CDC42EP4: variants seen among roughly 807,000 people sequenced by gnomAD.
CDC42EP4 encodes the protein CDC42 effector protein (Rho GTPase binding) 4.
A neutral mutation model predicts 5.6 loss-of-function variants in CDC42EP4; 6 were observed. The observed-to-expected ratio is 1.07, with a 90% CI of 0.59 to 2.12. The LOEUF is 2.12. Among genes scored for constraint, CDC42EP4 ranks in the 30% most tolerant of loss-of-function variants. CDC42EP4 has a pLI of 0.00. For synonymous variants in CDC42EP4, 230 were observed against 224.2 expected (o/e 1.03, Z -0.23); for missense variants, 490 against 508.6 (o/e 0.96, Z 0.35).
chr17:73,299,292 T>C (rs2062204666), intron 1 of CDC42EP4, among the ~76,000 whole-genome samples: 1 of 151,158 alleles, frequency 6.6e-6, no homozygotes, highest in South Asian at 2.1e-4. Flanking sequence ...TAGCCAGGCG[T>C]GGTGGTGGGC....
In CDC42EP4 at chr17:73,286,421, A is replaced by G; in HGVS notation, c.80T>C (p.Ile27Thr). 1 of 1,613,630 alleles carries G rather than the reference A, an allele frequency of 6.2e-7. No homozygotes were observed. Among genetic ancestry groups the G allele is most frequent in the Non-Finnish European group, 8.5e-7 (1 of 1,179,820 alleles). ...RSRADLTAEM[I>T]SAPLGDFRHT... ...GCGGAAGTCGCCCAGCGGGGCGCTGATCATCTCGGCCGTGAGGTCCGCTCG... is the reference window on the plus strand; with the variant it reads ...GCGGAAGTCGCCCAGCGGGGCGCTGGTCATCTCGGCCGTGAGGTCCGCTCG... The change falls in exon 2 of 2, where the codon ATC (isoleucine) becomes ACC (threonine). Residue 27 changes from isoleucine (I) to threonine (T), a missense_variant. Ile to Thr is a moderately conservative substitution (Grantham distance 89). Coordinates refer to ENST00000335793, the MANE Select transcript of CDC42EP4 (RefSeq NM_012121.5). The surrounding 1 kb of genome is among the most constrained non-coding windows in gnomAD (Gnocchi z 7.7).
chr17:73,293,879 C>T (rs923100349), intron 1 of CDC42EP4, among the ~76,000 whole-genome samples: 1 of 152,194 alleles, frequency 6.6e-6, no homozygotes, highest in African/African-American at 2.4e-5. Context: ...TTACATGTTC[C>T]AGGCAGGACT....
chr17:73,300,526 C>T (rs2062213214), intron 1 of CDC42EP4, among the ~76,000 whole-genome samples: 1 of 152,198 alleles, frequency 6.6e-6, no homozygotes, highest in African/African-American at 2.4e-5. Context: ...GTCCACCAGC[C>T]ACTTCTGGCT....
chr17:73,297,151 A>G (rs1030458482), intron 1 of CDC42EP4, among the ~76,000 whole-genome samples: 3 of 117,324 alleles, frequency 2.6e-5, no homozygotes, highest in Admixed American at 2.5e-4. Flanking sequence ...AAAATTAGCC[A>G]GGTGTGGTGG....
In CDC42EP4 at chr17:73,286,403, T is replaced by C. The variant is rs1328229030; in HGVS notation, c.98A>G (p.Asp33Gly). 3 of 1,613,702 alleles carry C rather than the reference T, an allele frequency of 1.9e-6. No homozygotes were observed. The African/African-American group carries it at 4.0e-5, about 22-fold the overall frequency. Residue 33 changes from aspartate to glycine, a missense_variant, in exon 2 of 2, where the codon GAC (aspartate) becomes GGC (glycine). Physicochemically the swap from Asp to Gly is moderately conservative, Grantham distance 94. Transcript: ENST00000335793. This position sits in a 1 kb window ranked among gnomAD's most constrained non-coding sequence, Gnocchi z 7.7. ...GCCAACGTGCATGGTGTGGCGGAAG[T>C]CGCCCAGCGGGGCGCTGATCATCTC... is the stretch of plus-strand genomic sequence containing the variant. ...TAEMISAPLG[D>G]FRHTMHVGRA... is the part of the protein sequence containing the mutation.
At chr17:73,293,364 T>G (rs779329255) in intron 1 of CDC42EP4, among the ~76,000 whole-genome samples, 1 of 151,978 alleles carries the variant, frequency 6.6e-6, no homozygotes, top group Non-Finnish European at 1.5e-5. Flanking sequence ...GGGGACACAG[T>G]GGGAGACATT....
intron 1 of CDC42EP4, among the ~76,000 whole-genome samples, chr17:73,292,836 G>A (rs984895912): frequency 1.3e-5 from 2 of 152,176 alleles, no homozygotes; most frequent in African/African-American, 2.4e-5. Flanking sequence ...AAAGAGTTCT[G>A]TTTTGTTTTT....
rs1266343160 is a variant in CDC42EP4, at chr17:73,309,028, G to A, written c.-113+2865C>T. The stretch of plus-strand genomic sequence containing the variant: ...ACTCCAGCCTGGGCAACAGAGCAAA[G>A]CTCTGTCTCCAAAAAAAAAAAAAAA... On this transcript the variant is annotated intron_variant, in intron 1 of 1. Transcript: ENST00000335793. Among the ~76,000 whole-genome samples the A allele has an allele frequency of 3.2e-4, 4 of 12,458 alleles. 1 individual carries two copies. In the South Asian group the frequency reaches 0.013, roughly 40 times the overall value. 8.2% of individuals were successfully genotyped at this position (12,458 alleles called of 152,430 possible).
intron 1 of CDC42EP4, among the ~76,000 whole-genome samples, chr17:73,299,255 C>G (rs1373480147): frequency 6.6e-6 from 1 of 151,610 alleles, no homozygotes; most frequent in Non-Finnish European, 1.5e-5. Flanking sequence ...AACCCTGTCT[C>G]TACTAAAAAT....
chr17:73,297,001 A>AAAAAAAAAAAAAAAAAAAC lies in CDC42EP4; in HGVS notation c.-112-10390_-112-10389insGTTTTTTTTTTTTTTTTTT, dbSNP rs547362762. The stretch of plus-strand genomic sequence containing the variant: ...GTCTCAAAAAAAAAAAAAAAAAAAA[A>AAAAAAAAAAAAAAAAAAAC]AAATACACAAGGCCAAGCGCCGTGG... On this transcript the variant is annotated intron_variant, in intron 1 of 1. Transcript: ENST00000335793. Among the ~76,000 whole-genome samples the AAAAAAAAAAAAAAAAAAAC allele has an allele frequency of 7.0e-4, 43 of 61,760 alleles. 8 individuals are homozygous for AAAAAAAAAAAAAAAAAAAC. The highest frequency in any genetic ancestry group is 2.0e-3 in the East Asian group (5 of 2,460). The allele number at this position is 61,760 out of a possible 152,430, so 40.5% of individuals were successfully genotyped here. A position where few individuals can be genotyped will look rare whatever the true frequency, so the allele number is the denominator to read the frequency against.
chr17:73,293,677 C>T (rs1308344150), intron 1 of CDC42EP4, among the ~76,000 whole-genome samples: 2 of 152,212 alleles, frequency 1.3e-5, no homozygotes, highest in Non-Finnish European at 2.9e-5. Context: ...TGGGCCACAA[C>T]TCTAAGAGGT....
chr17:73,298,078 C>G (rs762256469), intron 1 of CDC42EP4, among the ~76,000 whole-genome samples: 1 of 151,778 alleles, frequency 6.6e-6, no homozygotes, highest in African/African-American at 2.4e-5. Context: ...ATCTAGTTCT[C>G]TGGGTTCGGC....
In CDC42EP4 at chr17:73,306,924, C is replaced by T. The variant is rs562072410; in HGVS notation, c.-113+4969G>A. On this transcript the variant is annotated intron_variant, in intron 1 of 1. Transcript: ENST00000335793. ...TGCAGGTGTCTGGGCAAAAGAAGAA[C>T]CCAGAGTCTCATGCTGGGAGGTGGA... 8.5e-5 allele frequency: 13 copies of T among 152,308 alleles called. No individual in the cohort carries two copies. The East Asian group carries it at 2.5e-3, about 29-fold the overall frequency. 9.4% of individuals were successfully genotyped at this position (152,308 alleles called of 1,614,324 possible). A position where few individuals can be genotyped will look rare whatever the true frequency, so the allele number is the denominator to read the frequency against.
intron 1 of CDC42EP4, among the ~76,000 whole-genome samples, chr17:73,309,272 C>T (rs529225890): frequency 2.8e-4 from 42 of 152,160 alleles, no homozygotes; most frequent in South Asian, 2.1e-4. Context: ...AGCTTGAGCC[C>T]AGGAGGTCCA....
Position 73,286,815 on chromosome 17 carries a change from G to C in CDC42EP4, c.-112-203C>G. 3.3e-6 allele frequency: 1 copy of C among 306,248 alleles called. No individual in the cohort carries two copies. The highest frequency in any genetic ancestry group is 6.1e-6 in the Non-Finnish European group (1 of 164,916). The allele number at this position is 306,248 out of a possible 1,614,324, so 19.0% of individuals were successfully genotyped here. On this transcript the variant is annotated intron_variant, in intron 1 of 1. Transcript: ENST00000335793. The surrounding 1 kb of genome is among the most constrained non-coding windows in gnomAD (Gnocchi z 7.7). ...GTAGAGGAGTGATTTTGCAAATCTG[G>C]TTAGAGTTCCAGTAGCCTCGGACAC...
At chr17:73,311,012 GCCCCAAGC>G (rs2062271917) in intron 1 of CDC42EP4, 1 of 152,182 alleles carries the variant, frequency 6.6e-6, no homozygotes, top group Non-Finnish European at 1.5e-5. Flanking sequence ...GCGCGCACCC[GCCCCAAGC>G]GGGCGATTAA....
chr17:73,302,995 G>A lies in CDC42EP4; in HGVS notation c.-113+8898C>T, dbSNP rs551666628. Among the ~76,000 whole-genome samples, 1,090 of 144,124 alleles carry A rather than the reference G, an allele frequency of 7.6e-3. 16 individuals are homozygous for A. The highest frequency in any genetic ancestry group is 0.027 in the African/African-American group (1,033 of 38,156). 94.6% of individuals were successfully genotyped at this position (144,124 alleles called of 152,430 possible). On this transcript the variant is annotated intron_variant, in intron 1 of 1. Transcript: ENST00000335793. ...GGAGGCAGAGCTTGCAGTGAGCCGAGATGGCGCCACTGCACTCCAGCCTGG... is the reference window on the plus strand; with the variant it reads ...GGAGGCAGAGCTTGCAGTGAGCCGAAATGGCGCCACTGCACTCCAGCCTGG...
intron 1 of CDC42EP4, among the ~76,000 whole-genome samples, chr17:73,301,710 C>CT (rs35550966): frequency 0.31 from 41,125 of 131,260 alleles, 6,492 homozygotes; most frequent in Middle Eastern, 0.36. Context: ...CCATGCCCAG[C>CT]TTTTTTTTTT....
In CDC42EP4 at chr17:73,285,615, C is replaced by T. The variant is rs771596914; in HGVS notation, c.886G>A (p.Ala296Thr). The T allele has an allele frequency of 6.2e-7, 1 of 1,606,776 alleles. No homozygotes were observed. The highest frequency in any genetic ancestry group is 8.5e-7 in the Non-Finnish European group (1 of 1,176,588). ...GTGGTGTGGCTGCCCATGCTGCGGG[C>T]TGAGCCGGGGCTGGGGGCCGCTGCT... ...WAAAAPSPGS[A>T]RSMGSHTTRD... Residue 296 changes from alanine (A) to threonine (T), a missense_variant, in exon 2 of 2, where the codon GCC (alanine) becomes ACC (threonine). Coordinates refer to ENST00000335793, the MANE Select transcript of CDC42EP4 (RefSeq NM_012121.5). This position sits in a 1 kb window ranked among gnomAD's most constrained non-coding sequence, Gnocchi z 6.8.
Sources: gnomAD v4.1 joint callset for allele counts (sites outside exome capture counted in the v4.1 genomes callset) on GRCh38, gnomAD v4.1.1 for gene constraint, Gnocchi (gnomAD v3.1) non-coding constraint, MANE v1.5 for transcripts, NCBI Gene and HGNC (gene_info 2026-07-23, HGNC 2026-07-21) for gene names.